Variants in TFAP2B observed in about 807,000 individuals in gnomAD.
TFAP2B encodes the protein transcription factor AP-2-beta.
In TFAP2B, 9 loss-of-function variants were observed where a neutral mutation model predicts 44.3. That is an observed-to-expected ratio of 0.20 (90% confidence interval 0.12 to 0.35). The LOEUF is 0.35. Among genes scored for constraint, TFAP2B ranks in the 10% least tolerant of loss-of-function variants. TFAP2B has a pLI of 1.00. For synonymous variants in TFAP2B, 270 were observed against 263.8 expected (o/e 1.02, Z -0.23); for missense variants, 509 against 600.0 (o/e 0.85, Z 1.59).
chr6:50,828,760 A>T, intron 3 of TFAP2B, 81 bp downstream of exon 3: 1 of 1,481,984 alleles, frequency 6.7e-7, no homozygotes, highest in Non-Finnish European at 9.4e-7. Flanking sequence ...CTTTGGGGGA[A>T]TTCATTATTT....
intron 1 of TFAP2B, 51 bp from the exon 2 acceptor site, chr6:50,823,355 CT>C: frequency 6.8e-7 from 1 of 1,469,472 alleles, no homozygotes; most frequent in Non-Finnish European, 9.3e-7. Flanking sequence ...CTCTATCTCT[CT>C]TTCTCTGTCT....
intron 3 of TFAP2B, among the ~76,000 whole-genome samples, chr6:50,829,040 A>C (rs904447070): frequency 6.6e-6 from 1 of 152,154 alleles, no homozygotes; most frequent in Non-Finnish European, 1.5e-5. Context: ...TGATAACTGG[A>C]GTTTGCTGAG....
intron 2 of TFAP2B, among the ~76,000 whole-genome samples, chr6:50,826,560 T>A (rs938299553): frequency 6.7e-6 from 1 of 149,348 alleles, no homozygotes; most frequent in African/African-American, 2.5e-5. Flanking sequence ...TCACCCATTG[T>A]GCATGAGCGC....
intron 1 of TFAP2B, among the ~76,000 whole-genome samples, chr6:50,821,542 G>A (rs1770347137): frequency 6.6e-6 from 1 of 152,158 alleles, no homozygotes; most frequent in African/African-American, 2.4e-5. Flanking sequence ...CTTATCCAAA[G>A]GAGCAGGGGC....
At chr6:50,836,707 T>C (rs1014167854) in intron 4 of TFAP2B, among the ~76,000 whole-genome samples, 2 of 151,950 alleles carry the variant, frequency 1.3e-5, no homozygotes, top group African/African-American at 4.8e-5. Flanking sequence ...ACTCTCTTCA[T>C]ACCTTCAGTG....
At chr6:50,836,722 CTT>C (rs1314268790) in intron 4 of TFAP2B, among the ~76,000 whole-genome samples, 1 of 152,014 alleles carries the variant, frequency 6.6e-6, no homozygotes, top group Non-Finnish European at 1.5e-5. Flanking sequence ...TCAGTGTACT[CTT>C]TCTCTTTTAT....
chr6:50,822,078 G>C (rs1344024001), intron 1 of TFAP2B: 17 of 1,268,192 alleles, frequency 1.3e-5, no homozygotes, highest in Non-Finnish European at 1.7e-5. Flanking sequence ...TGGACTCCTT[G>C]ATTTTTTTTT....
chr6:50,840,310 G>C lies in TFAP2B; in HGVS notation c.1082+13G>C, dbSNP rs1304439807. 2 of 1,613,084 alleles carry C rather than the reference G, an allele frequency of 1.2e-6. No individual in the cohort carries two copies. The highest frequency in any genetic ancestry group is 1.7e-6 in the Non-Finnish European group (2 of 1,180,022). ...TGTTGGCCACCAAGTGAGTTTATTAGACTCTGGGCCCTCATCTCACTCCCA... is the reference window on the plus strand; with the variant it reads ...TGTTGGCCACCAAGTGAGTTTATTACACTCTGGGCCCTCATCTCACTCCCA... On this transcript the variant is annotated intron_variant, in intron 6 of 6. Transcript: ENST00000393655.
At chr6:50,835,598 A>AT (rs1762603668) in intron 3 of TFAP2B, among the ~76,000 whole-genome samples, 1 of 152,216 alleles carries the variant, frequency 6.6e-6, no homozygotes, top group Non-Finnish European at 1.5e-5. Flanking sequence ...TGGAATTACC[A>AT]TTTTATATCA....
At chr6:50,820,519 G>A (rs1041458878) in intron 1 of TFAP2B, among the ~76,000 whole-genome samples, 1 of 152,252 alleles carries the variant, frequency 6.6e-6, no homozygotes, top group Non-Finnish European at 1.5e-5. Flanking sequence ...GAGAGAGATT[G>A]GTCTTGTTGC....
chr6:50,838,496 C>G (rs976049658), intron 5 of TFAP2B, among the ~76,000 whole-genome samples: 3 of 152,102 alleles, frequency 2.0e-5, no homozygotes, highest in African/African-American at 7.2e-5. Context: ...ATTCATGACC[C>G]CTAATGGTTA....
intron 1 of TFAP2B, among the ~76,000 whole-genome samples, chr6:50,820,651 C>A (rs995201602): frequency 6.6e-6 from 1 of 152,212 alleles, no homozygotes; most frequent in East Asian, 1.9e-4. Flanking sequence ...CCTTAACAGG[C>A]GGGATAATGG....
chr6:50,841,427 C>G (rs1005609547), intron 6 of TFAP2B, among the ~76,000 whole-genome samples: 1 of 147,808 alleles, frequency 6.8e-6, no homozygotes, highest in African/African-American at 2.4e-5. Flanking sequence ...TGGTGAGGCA[C>G]GGGGTGTGTG....
At chr6:50,837,247 C>T (rs890742025) in intron 4 of TFAP2B, among the ~76,000 whole-genome samples, 12 of 152,278 alleles carry the variant, frequency 7.9e-5, no homozygotes, top group Admixed American at 3.9e-4. Context: ...AAGGGTGTGA[C>T]CCAGGAACTT....
intron 6 of TFAP2B, 110 bp from the exon 7 acceptor site, chr6:50,842,982 C>A: frequency 2.1e-6 from 3 of 1,436,044 alleles, no homozygotes; most frequent in Non-Finnish European, 2.9e-6. Context: ...CCACATTAGC[C>A]TCGCTCTTCG....
At chr6:50,829,117 G>C (rs2857500) in intron 3 of TFAP2B, among the ~76,000 whole-genome samples, 1 of 152,088 alleles carries the variant, frequency 6.6e-6, no homozygotes, top group Admixed American at 6.5e-5. Context: ...TGATAATTTT[G>C]TTCCCAGTTC....
intron 2 of TFAP2B, 36 bp from the exon 3 acceptor site, chr6:50,828,583 C>T (rs1157443540): frequency 6.4e-7 from 1 of 1,568,294 alleles, no homozygotes; most frequent in Admixed American, 1.7e-5. Flanking sequence ...CTTTAATATC[C>T]TGTCAATTTG....
chr6:50,835,464 C>A (rs1285086107), intron 3 of TFAP2B, among the ~76,000 whole-genome samples: 2 of 152,120 alleles, frequency 1.3e-5, no homozygotes, highest in Non-Finnish European at 2.9e-5. Flanking sequence ...GGGCCCAGCT[C>A]CCCAGCTCAA....
At chr6:50,840,042 C>T in intron 5 of TFAP2B, 114 bp from the exon 6 acceptor site, 1 of 1,408,790 alleles carries the variant, frequency 7.1e-7, no homozygotes, top group South Asian at 1.2e-5. Context: ...TTGCTTTTGG[C>T]TCCAACAGCT....
Sources: allele counts gnomAD v4.1 joint callset (sites outside exome capture counted in the v4.1 genomes callset), GRCh38; gene constraint gnomAD v4.1.1; transcripts MANE v1.5; gene names NCBI Gene and HGNC (gene_info 2026-07-23, HGNC 2026-07-21).